The following SEC31A variants were observed in gnomAD, a reference collection of about 807,000 sequenced individuals.
The protein encoded by SEC31A is SEC31 homolog A, COPII component.
Under a neutral mutation model 151.0 loss-of-function variants are expected in SEC31A, and 70 were observed. The observed-to-expected ratio is 0.46, with a 90% CI of 0.38 to 0.57. The LOEUF (loss-of-function observed/expected upper bound fraction) is 0.57. Ranked by LOEUF, SEC31A falls within the 20% of genes least tolerant of loss-of-function variation. SEC31A has a pLI of 0.00. For synonymous variants in SEC31A, 475 were observed against 505.9 expected, an observed-to-expected ratio of 0.94 and a Z score of 0.82; for missense variants, 1,330 against 1,471.2, an observed-to-expected ratio of 0.90 and a Z score of 1.57.
At chr4:82,878,576 C>T (rs923541700) in intron 4 of SEC31A, among the ~76,000 whole-genome samples, 154 bp downstream of exon 4, 1 of 152,200 alleles carries the variant, frequency 6.6e-6, no homozygotes, top group African/African-American at 2.4e-5. Context: ...CTGATCTCAA[C>T]TCTGAACCCA....
intron 22 of SEC31A, among the ~76,000 whole-genome samples, chr4:82,833,165 T>C (rs931134014): frequency 1.3e-5 from 2 of 152,132 alleles, no homozygotes; most frequent in Non-Finnish European, 2.9e-5. Flanking sequence ...CAAATGTCCA[T>C]CAATGATAGA....
intron 3 of SEC31A, among the ~76,000 whole-genome samples, chr4:82,880,200 C>CA (rs1340274539): frequency 2.0e-5 from 3 of 148,898 alleles, no homozygotes; most frequent in Admixed American, 6.7e-5. Context: ...AAAACAAAAA[C>CA]AAAAAAAACC....
intron 1 of SEC31A, among the ~76,000 whole-genome samples, chr4:82,889,669 T>C (rs972566841): frequency 7.2e-5 from 11 of 152,200 alleles, no homozygotes; most frequent in African/African-American, 2.4e-4. Context: ...TTTGAATCAT[T>C]GCTCTTCACA....
rs911653714 is a variant in SEC31A at position 82,844,654 on chromosome 4, A to G, written c.2503-145T>C. ...AGAAACATTGCATTTTGCATATTCT[A>G]TCTTCCTCATAATACCACATTTTCT... On this transcript the variant is annotated intron_variant, in intron 20 of 26. Coordinates refer to ENST00000395310, the MANE Select transcript of SEC31A (RefSeq NM_001077207.4). 2.4e-5 allele frequency: 19 copies of G among 791,420 alleles called. No homozygotes were observed. In the East Asian group the frequency reaches 3.0e-4, roughly 12 times the overall value. The allele number at this position is 791,420 out of a possible 1,614,324, so 49.0% of individuals were successfully genotyped here.
intron 20 of SEC31A, chr4:82,845,346 AAAG>A: frequency 9.3e-7 from 1 of 1,073,800 alleles, no homozygotes; most frequent in Non-Finnish European, 1.3e-6. Flanking sequence ...GAAAACGTTA[AAAG>A]AAGAAAAAAA....
At chr4:82,824,483 G>C in intron 25 of SEC31A, 72 bp downstream of exon 25, 2 of 1,528,566 alleles carry the variant, frequency 1.3e-6, no homozygotes, top group Non-Finnish European at 1.8e-6. Flanking sequence ...GGGATTACAC[G>C]CATAAGCCAC....
chr4:82,888,506 C>T lies in SEC31A; in HGVS notation c.-5+2582G>A, dbSNP rs112887419. On this transcript the variant is annotated intron_variant, in intron 1 of 26. Coordinates refer to ENST00000395310, the MANE Select transcript of SEC31A (RefSeq NM_001077207.4). ...AGACATCCAGATCATCCTGGCCAAC[C>T]TGGTGAAACCCTGTCTCTACTAAAA... 7.7e-3 allele frequency among the ~76,000 whole-genome samples: 1,114 copies of T among 144,654 alleles called. 15 individuals carry two copies. The highest frequency in any genetic ancestry group is 0.011 in the Middle Eastern group (3 of 280). The allele number at this position is 144,654 out of a possible 152,430, so 94.9% of individuals were successfully genotyped here.
At chr4:82,880,627 A>C in intron 3 of SEC31A, 172 bp downstream of exon 3, 2 of 558,212 alleles carry the variant, frequency 3.6e-6, no homozygotes, top group Non-Finnish European at 6.0e-6. Flanking sequence ...TAGAACACAT[A>C]AACACTACTT....
At chr4:82,855,075 C>T (rs373335271) in intron 16 of SEC31A, 46 bp from the exon 17 acceptor site, 3 of 1,509,178 alleles carry the variant, frequency 2.0e-6, no homozygotes, top group Non-Finnish European at 1.8e-6. Context: ...TTTAACATAG[C>T]AATAAAAATT....
intron 22 of SEC31A, among the ~76,000 whole-genome samples, chr4:82,841,476 A>ATAT (rs1728817827): frequency 7.9e-6 from 1 of 127,214 alleles, no homozygotes; most frequent in Non-Finnish European, 1.7e-5. Context: ...ATACACACAC[A>ATAT]CTAAAAATAC....
In SEC31A at chr4:82,851,692, A is replaced by G. The variant is rs1007193846; in HGVS notation, c.2155-88T>C. 21 of 1,120,942 alleles carry G rather than the reference A, an allele frequency of 1.9e-5. 1 individual carries two copies. In the Admixed American group the frequency reaches 3.1e-4, roughly 17 times the overall value. The allele number at this position is 1,120,942 out of a possible 1,614,324, so 69.4% of individuals were successfully genotyped here. A position where few individuals can be genotyped will look rare whatever the true frequency, so the allele number is the denominator to read the frequency against. On this transcript the variant is annotated intron_variant, in intron 18 of 26. Transcript: ENST00000395310. ...AAGATCAAGAGTTACTAAGATTTCTAAAACCCACTAAAAATATAGTACCTG... is the reference window on the plus strand; with the variant it reads ...AAGATCAAGAGTTACTAAGATTTCTGAAACCCACTAAAAATATAGTACCTG...
At chr4:82,831,662 AG>A (rs1355466192) in intron 22 of SEC31A, among the ~76,000 whole-genome samples, 1 of 152,186 alleles carries the variant, frequency 6.6e-6, no homozygotes, top group Admixed American at 6.5e-5. Context: ...TGGATTTAGG[AG>A]GCCCCAGTGG....
intron 8 of SEC31A, among the ~76,000 whole-genome samples, chr4:82,868,671 G>A (rs1401462299): frequency 1.3e-5 from 2 of 152,010 alleles, no homozygotes; most frequent in African/African-American, 2.4e-5. Flanking sequence ...CTTAACTCTG[G>A]CTTCATGTGA....
chr4:82,871,696 TG>T (rs1380078590), intron 7 of SEC31A: 1 of 531,370 alleles, frequency 1.9e-6, no homozygotes, highest in Admixed American at 3.5e-5. Context: ...AAAAATTTCC[TG>T]GCATGGTGGC....
At chr4:82,889,873 CCT>C (rs1741898682) in intron 1 of SEC31A, among the ~76,000 whole-genome samples, 1 of 152,080 alleles carries the variant, frequency 6.6e-6, no homozygotes, top group East Asian at 1.9e-4. Flanking sequence ...AGTCTACAAA[CCT>C]CTCCCTGAGC....
At chr4:82,834,345 A>C (rs1021357736) in intron 22 of SEC31A, among the ~76,000 whole-genome samples, 3 of 152,214 alleles carry the variant, frequency 2.0e-5, no homozygotes, top group Non-Finnish European at 4.4e-5. Flanking sequence ...ATGAGAAGAA[A>C]GTGCAGAAGA....
chr4:82,844,800 C>A (rs938008182), intron 20 of SEC31A, among the ~76,000 whole-genome samples: 4 of 152,184 alleles, frequency 2.6e-5, no homozygotes, highest in African/African-American at 4.8e-5. Context: ...TTTTCCATCT[C>A]TACTAATTTC....
At chr4:82,858,600 T>C (rs560847560) in intron 14 of SEC31A, among the ~76,000 whole-genome samples, 146 of 143,244 alleles carry the variant, frequency 1.0e-3, no homozygotes, top group Non-Finnish European at 1.7e-3. Flanking sequence ...AACATGTACA[T>C]ATTCATTACT....
At chr4:82,847,417 TA>T (rs2149308882) in intron 20 of SEC31A, among the ~76,000 whole-genome samples, 1 of 152,360 alleles carries the variant, frequency 6.6e-6, no homozygotes, top group South Asian at 2.1e-4. Flanking sequence ...GTAAGATTGG[TA>T]AATCAAAGTA....
Sources: gnomAD v4.1 joint callset for allele counts (sites outside exome capture counted in the v4.1 genomes callset) on GRCh38, gnomAD v4.1.1 for gene constraint, MANE v1.5 for transcripts, NCBI Gene and HGNC (gene_info 2026-07-23, HGNC 2026-07-21) for gene names.